Variants in SLC38A2 observed in about 807,000 individuals in gnomAD.
SLC38A2 encodes the protein solute carrier family 38 member 2.
A neutral mutation model predicts 61.5 loss-of-function variants in SLC38A2; 11 were observed. That is an observed-to-expected ratio of 0.18 (90% CI 0.11 to 0.30). The LOEUF is 0.30. Ranked by LOEUF, SLC38A2 falls within the 10% of genes least tolerant of loss-of-function variation. The pLI is 1.00. For missense variants in SLC38A2, 522 were observed against 600.4 expected, an observed-to-expected ratio of 0.87 and a Z score of 1.36; for synonymous variants, 217 against 212.5, an observed-to-expected ratio of 1.02 and a Z score of -0.18.
intron 4 of SLC38A2, among the ~76,000 whole-genome samples, chr12:46,370,085 C>T (rs1241335989): frequency 6.6e-6 from 1 of 152,106 alleles, no homozygotes; most frequent in African/African-American, 2.4e-5. Context: ...TTTTCTTTTC[C>T]TTATTCACGT....
chr12:46,372,603 A>G lies in SLC38A2; in HGVS notation c.-181T>C, dbSNP rs777997969. 4 of 398,230 alleles carry G rather than the reference A, an allele frequency of 1.0e-5. No homozygotes were observed. The highest frequency in any genetic ancestry group is 1.8e-5 in the Non-Finnish European group (4 of 225,862). 24.7% of individuals were successfully genotyped at this position (398,230 alleles called of 1,614,324 possible). Reference sequence around the variant, plus strand: ...ACAAACAAAAAATTTCCCCAAATCCAACAACAGGCAGGAAAAATAATTTTA... The same window carrying G: ...ACAAACAAAAAATTTCCCCAAATCCGACAACAGGCAGGAAAAATAATTTTA... On this transcript the variant is annotated 5_prime_UTR_variant, in exon 1 of 16. Coordinates refer to ENST00000256689, the MANE Select transcript of SLC38A2 (RefSeq NM_018976.5).
rs1565826562 is a variant in SLC38A2, at chr12:46,361,209, C to T, written c.1423G>A (p.Ala475Thr). Residue 475 changes from alanine to threonine, a missense_variant and splice_region_variant, in exon 16 of 16, where the codon GCT (alanine) becomes ACT (threonine). By Grantham distance (58) the Ala-to-Thr change is moderately conservative. Transcript: ENST00000256689. ...ACACCACTTAACAGGAAGAACAAAGCCTGCAAAGAGCATAGAGAAAATTGA... is the reference window on the plus strand; with the variant it reads ...ACACCACTTAACAGGAAGAACAAAGTCTGCAAAGAGCATAGAGAAAATTGA... ...EPMKSVQKIG[A>T]LFFLLSGVLV... 6.2e-7 allele frequency: 1 copy of T among 1,612,398 alleles called. No homozygotes were observed. Among genetic ancestry groups the T allele is most frequent in the Non-Finnish European group, 8.5e-7 (1 of 1,179,030 alleles).
Position 46,370,786 on chromosome 12 carries a change from T to C in SLC38A2, c.188A>G (p.Glu63Gly). ...LESNLGKKKY[E>G]TEFHPGTTSF... The stretch of plus-strand genomic sequence containing the variant: ...CTATTTTTAACTTACAAATTCTGTT[T>C]CATACTTCTTCTTCCCCAAATTCGA... The change falls in exon 3 of 16, where the codon GAA (glutamate) becomes GGA (glycine). Residue 63 changes from glutamate (E) to glycine (G), a missense_variant. By Grantham distance (98) the Glu-to-Gly change is moderately conservative. Around this residue, in one of 3 missense-constraint regions of SLC38A2, gnomAD observed 102 missense variants for 83.1 expected, o/e 1.23. Coordinates refer to ENST00000256689, the MANE Select transcript of SLC38A2 (RefSeq NM_018976.5). The C allele has an allele frequency of 6.2e-7, 1 of 1,612,784 alleles. No homozygotes were observed. Among genetic ancestry groups the C allele is most frequent in the Non-Finnish European group, 8.5e-7 (1 of 1,179,204 alleles).
chr12:46,362,181 A>G (rs1259755161), intron 15 of SLC38A2, 103 bp downstream of exon 15: 3 of 958,516 alleles, frequency 3.1e-6, no homozygotes, highest in Non-Finnish European at 4.5e-6. Flanking sequence ...TGGAAACTTA[A>G]AAGTGAAACC....
intron 1 of SLC38A2, chr12:46,371,684 T>C (rs1943203698): frequency 8.8e-6 from 2 of 226,698 alleles, no homozygotes; most frequent in African/African-American, 4.7e-5. Context: ...GGTTCTGTTT[T>C]GCTTTTTCCC....
In SLC38A2 at chr12:46,364,739, A is replaced by C; in HGVS notation, c.647-37T>G. 2.6e-6 allele frequency: 4 copies of C among 1,563,786 alleles called. 1 individual carries two copies. In the South Asian group the frequency reaches 4.7e-5, roughly 18 times the overall value. ...GGTGGCAGGAATCAGTATTAGTTTA[A>C]TGAAACAGATTTAAGGCAAATATCT... is the stretch of plus-strand genomic sequence containing the variant. On this transcript the variant is annotated intron_variant, in intron 8 of 15. Transcript: ENST00000256689.
chr12:46,371,481 C>A (rs961182681), intron 1 of SLC38A2, 102 bp from the exon 2 acceptor site: 5 of 561,768 alleles, frequency 8.9e-6, no homozygotes, highest in Middle Eastern at 4.8e-4. Context: ...CCAGGCCAGG[C>A]GAGTGGAAAA....
chr12:46,372,767 C>T lies in SLC38A2; in HGVS notation c.-345G>A, dbSNP rs140729774. The T allele has an allele frequency of 1.3e-5, 5 of 398,270 alleles. No homozygotes were observed. The highest frequency in any genetic ancestry group is 7.1e-5 in the East Asian group (2 of 28,052). 24.7% of individuals were successfully genotyped at this position (398,270 alleles called of 1,614,324 possible). A position where few individuals can be genotyped will look rare whatever the true frequency, so the allele number is the denominator to read the frequency against. ...GGCGTTCTAAGGCGGCGGCGTCGCGCGGCTGTGGAGCAGCCCTGCGAGCGG... is the reference window on the plus strand; with the variant it reads ...GGCGTTCTAAGGCGGCGGCGTCGCGTGGCTGTGGAGCAGCCCTGCGAGCGG... On this transcript the variant is annotated 5_prime_UTR_variant, in exon 1 of 16. Coordinates refer to ENST00000256689, the MANE Select transcript of SLC38A2 (RefSeq NM_018976.5).
intron 5 of SLC38A2, 41 bp from the exon 6 acceptor site, chr12:46,367,209 A>G (rs1565829018): frequency 6.3e-6 from 10 of 1,592,590 alleles, no homozygotes; most frequent in Non-Finnish European, 8.6e-6. Flanking sequence ...AGGATTTTAA[A>G]AGAGAAATAA....
Position 46,371,370 on chromosome 12 carries a change from G to T in SLC38A2, c.-77C>A. 1.7e-6 allele frequency: 2 copies of T among 1,200,866 alleles called. No individual in the cohort carries two copies. The highest frequency in any genetic ancestry group is 1.2e-6 in the Non-Finnish European group (1 of 820,480). 74.4% of individuals were successfully genotyped at this position (1,200,866 alleles called of 1,614,324 possible). ...TCCTTGGCGGTGGGTGCAGCGGCCC[G>T]CGAGTCGGCCTGCGAAAGTAGAGGC... On this transcript the variant is annotated 5_prime_UTR_variant, in exon 2 of 16. Transcript: ENST00000256689.
chr12:46,364,975 A>G (rs1943124416), intron 8 of SLC38A2, 132 bp downstream of exon 8: 4 of 867,108 alleles, frequency 4.6e-6, no homozygotes, highest in Non-Finnish European at 7.3e-6. Context: ...TAAATTTTGC[A>G]TGCTGTAAGT....
intron 15 of SLC38A2, among the ~76,000 whole-genome samples, chr12:46,361,688 GTACTT>G (rs753267114): frequency 2.6e-5 from 4 of 152,132 alleles, no homozygotes; most frequent in Non-Finnish European, 5.9e-5. Context: ...AACAATTCTA[GTACTT>G]TAATCAGAGC....
At chr12:46,367,030 C>A in intron 6 of SLC38A2, 46 bp downstream of exon 6, 3 of 1,600,446 alleles carry the variant, frequency 1.9e-6, no homozygotes, top group East Asian at 2.2e-5. Flanking sequence ...CTGTGCTCCA[C>A]AATGAGCATA....
rs1943215997 is a variant in SLC38A2 at position 46,372,442 on chromosome 12, G to A, written c.-87+67C>T. 3 of 367,056 alleles carry A rather than the reference G, an allele frequency of 8.2e-6. No individual in the cohort carries two copies. In the East Asian group the frequency reaches 1.1e-4, roughly 14 times the overall value. The allele number at this position is 367,056 out of a possible 1,614,324, so 22.7% of individuals were successfully genotyped here. On this transcript the variant is annotated intron_variant, in intron 1 of 15. Coordinates refer to ENST00000256689, the MANE Select transcript of SLC38A2 (RefSeq NM_018976.5). ...CCGCCTTCCCGCGCGGCCCCTCCCG[G>A]AAGCCCCTCCCCCACTCTCGCCCGG...
intron 15 of SLC38A2, 60 bp downstream of exon 15, chr12:46,362,224 A>T: frequency 7.5e-7 from 1 of 1,338,370 alleles, no homozygotes; most frequent in East Asian, 2.5e-5. Flanking sequence ...ATAAAATTAA[A>T]ATCAGTTGGG....
At position 46,367,083 on chromosome 12, in the gene SLC38A2, G is replaced by A. The variant is rs36022751; in HGVS notation, c.474C>T (p.Asn158=). The change falls in exon 6 of 16, where the codon AAC becomes AAT. Residue 158 remains asparagine, a synonymous_variant. Coordinates refer to ENST00000256689, the MANE Select transcript of SLC38A2 (RefSeq NM_018976.5). ...CTTTTGAAAAATTCTTACCTCCAAT[G>A]TTCTGCATTGTAATTGATCCAGATG... ...LAASGSITMQ[N]IGAMSSYLFI... 13,121 of 1,613,734 alleles carry A rather than the reference G, an allele frequency of 8.1e-3. 81 individuals carry two copies. Among genetic ancestry groups the A allele is most frequent in the Non-Finnish European group, 9.4e-3 (11,101 of 1,179,716 alleles).
At chr12:46,362,437 C>T (rs1741050523) in intron 14 of SLC38A2, 56 bp from the exon 15 acceptor site, 2 of 1,594,370 alleles carry the variant, frequency 1.3e-6, no homozygotes, top group South Asian at 1.1e-5. Context: ...GTCATTCATT[C>T]TTTAAATCTT....
rs767157994 is a variant in SLC38A2 at position 46,364,680 on chromosome 12, G to A, written c.669C>T (p.Gly223=). 10 of 1,610,528 alleles carry A rather than the reference G, an allele frequency of 6.2e-6. No homozygotes were observed. The highest frequency in any genetic ancestry group is 8.5e-6 in the Non-Finnish European group (10 of 1,178,564). The part of the protein sequence containing the change: ...RNLGYLGYTS[G]LSLLCMVFFL... ...AGAACACCATACACAACAAGGAAAG[G>A]CCACTGGTATATCCCAAATATCCTA... The change falls in exon 9 of 16, where the codon GGC becomes GGT. Residue 223 remains glycine (G), a synonymous_variant. Transcript: ENST00000256689.
intron 4 of SLC38A2, 50 bp from the exon 5 acceptor site, chr12:46,367,390 T>C (rs777172881): frequency 2.6e-5 from 25 of 976,208 alleles, no homozygotes; most frequent in Non-Finnish European, 4.1e-5. Flanking sequence ...ATGGCTATAT[T>C]TAAAGACAAC....
Sources: allele counts gnomAD v4.1 joint callset (sites outside exome capture counted in the v4.1 genomes callset), GRCh38; gene constraint gnomAD v4.1.1; regional missense constraint gnomAD v4.1.1; transcripts MANE v1.5; gene names NCBI Gene and HGNC (gene_info 2026-07-23, HGNC 2026-07-21).